CDH22: variants seen among roughly 807,000 people sequenced by gnomAD.
CDH22 encodes cadherin 22, also known as cadherin-22.
In CDH22, 30 loss-of-function variants were observed where a neutral mutation model predicts 58.4. The ratio of observed to expected loss-of-function variants is 0.51; its 90% CI spans 0.38 to 0.70. The LOEUF (loss-of-function observed/expected upper bound fraction) is 0.70, where lower values mean the gene tolerates loss of function less well. CDH22 is among the 30% of genes least tolerant of loss of function. The pLI is 0.00. For missense variants in CDH22, 1,014 were observed against 1,233.9 expected (o/e 0.82, Z 2.67); for synonymous variants, 513 against 558.2 (o/e 0.92, Z 1.14).
chr20:46,200,544 AG>A (rs1004121737), intron 7 of CDH22, among the ~76,000 whole-genome samples: 18 of 151,762 alleles, frequency 1.2e-4, no homozygotes, highest in Non-Finnish European at 1.9e-4. Context: ...GGCCTCCCAA[AG>A]TGTTGAGGTT....
chr20:46,272,841 T>C (rs147712444), intron 1 of CDH22, among the ~76,000 whole-genome samples: 134 of 152,368 alleles, frequency 8.8e-4, no homozygotes, highest in South Asian at 2.5e-3. Flanking sequence ...TTCTGGTGTG[T>C]CTGGTTATCT....
chr20:46,259,890 G>C (rs1221462660), intron 1 of CDH22, among the ~76,000 whole-genome samples: 4 of 152,200 alleles, frequency 2.6e-5, no homozygotes, highest in Non-Finnish European at 5.9e-5. Context: ...AGAAAAAAAA[G>C]AGTTATGGGA....
chr20:46,217,990 G>T (rs927752950), intron 4 of CDH22, among the ~76,000 whole-genome samples: 3 of 151,052 alleles, frequency 2.0e-5, no homozygotes, highest in Non-Finnish European at 2.9e-5. Context: ...GCAGTGGCGC[G>T]ATCTCAGCTC....
At chr20:46,246,260 G>C (rs1190043599) in intron 2 of CDH22, among the ~76,000 whole-genome samples, 2 of 152,208 alleles carry the variant, frequency 1.3e-5, no homozygotes, top group African/African-American at 4.8e-5. Context: ...TGAGGGGTCT[G>C]TTCACGACTG....
intron 3 of CDH22, among the ~76,000 whole-genome samples, chr20:46,239,516 CA>C (rs2145724792): frequency 6.6e-6 from 1 of 152,374 alleles, no homozygotes; most frequent in East Asian, 1.9e-4. Flanking sequence ...ATTATCCCAG[CA>C]AGCTGCCAGA....
chr20:46,234,303 C>T (rs897370280), intron 3 of CDH22, among the ~76,000 whole-genome samples: 7 of 152,314 alleles, frequency 4.6e-5, no homozygotes, highest in Middle Eastern at 3.4e-3. Flanking sequence ...CTATGGATGC[C>T]GAGCCAAGGA....
chr20:46,251,348 G>A lies in CDH22; in HGVS notation c.-54C>T, dbSNP rs1436260728. ...GAGCATGGACGAGAGGCACCAGGGCGCCGCTGCTTGGTCGCACAACGATGC... is the reference window on the plus strand; with the variant it reads ...GAGCATGGACGAGAGGCACCAGGGCACCGCTGCTTGGTCGCACAACGATGC... On this transcript the variant is annotated 5_prime_UTR_variant, in exon 2 of 12. Transcript: ENST00000537909. This position sits in a 1 kb window ranked among gnomAD's most constrained non-coding sequence, Gnocchi z 6.7. The A allele has an allele frequency of 3.7e-5, 52 of 1,403,044 alleles. No homozygotes were observed. Among genetic ancestry groups the A allele is most frequent in the Non-Finnish European group, 4.5e-5 (49 of 1,087,072 alleles). The allele number at this position is 1,403,044 out of a possible 1,614,324, so 86.9% of individuals were successfully genotyped here. A position where few individuals can be genotyped will look rare whatever the true frequency, so the allele number is the denominator to read the frequency against.
intron 7 of CDH22, among the ~76,000 whole-genome samples, chr20:46,206,955 T>C: frequency 6.6e-6 from 1 of 152,156 alleles, no homozygotes. Context: ...ACACATGGCC[T>C]GTGAGGACCC....
chr20:46,279,436 G>A (rs2086537849), intron 1 of CDH22, among the ~76,000 whole-genome samples: 1 of 152,144 alleles, frequency 6.6e-6, no homozygotes. Flanking sequence ...TCATCTGATG[G>A]AACACAGCCA....
chr20:46,217,077 C>A (rs2086091521), intron 4 of CDH22, 84 bp from the exon 5 acceptor site: 1 of 1,340,208 alleles, frequency 7.5e-7, no homozygotes, highest in Non-Finnish European at 1.0e-6. Context: ...GGGATTCAGA[C>A]CCTGTGACTC....
At chr20:46,301,036 G>A (rs921949740) in intron 1 of CDH22, among the ~76,000 whole-genome samples, 6 of 152,058 alleles carry the variant, frequency 3.9e-5, no homozygotes, top group African/African-American at 1.4e-4. Context: ...AAAAAAAGCA[G>A]GTTACGGAGG....
chr20:46,272,047 G>A (rs1387465463), intron 1 of CDH22, among the ~76,000 whole-genome samples: 1 of 152,160 alleles, frequency 6.6e-6, no homozygotes, highest in Non-Finnish European at 1.5e-5. Flanking sequence ...AAGTGTTCCA[G>A]GCCAGAAGGC....
rs765088984 is a variant in CDH22, at chr20:46,174,681, T to A, written c.2312A>T (p.Gln771Leu). ...GTCCGCGCCCTCGAAGGCGTAGGTC[T>A]GGAAGGCGTCGTAGGGCGGCACCGA... ...DLSVPPYDAFQTYAFEGADSP... is the reference protein window; with the variant it reads ...DLSVPPYDAFLTYAFEGADSP... Residue 771 changes from glutamine (Q) to leucine (L), a missense_variant, in exon 12 of 12, where the codon CAG (glutamine) becomes CTG (leucine). Gln to Leu is a moderately radical substitution (Grantham distance 113). Transcript: ENST00000537909. The surrounding 1 kb of genome is among the most constrained non-coding windows in gnomAD (Gnocchi z 4.4). 1 of 1,560,694 alleles carries A rather than the reference T, an allele frequency of 6.4e-7. No individual in the cohort carries two copies. The highest frequency in any genetic ancestry group is 8.6e-7 in the Non-Finnish European group (1 of 1,160,746).
chr20:46,285,068 C>T (rs2086569944), intron 1 of CDH22, among the ~76,000 whole-genome samples: 1 of 152,206 alleles, frequency 6.6e-6, no homozygotes, highest in Non-Finnish European at 1.5e-5. Flanking sequence ...CCCCAGACTT[C>T]TCTTTCGCCC....
chr20:46,193,006 G>C (rs544219904), intron 8 of CDH22, among the ~76,000 whole-genome samples: 1 of 152,228 alleles, frequency 6.6e-6, no homozygotes, highest in Admixed American at 6.5e-5. Context: ...ATGGAGACTG[G>C]AAGCTTTGAC....
chr20:46,212,859 C>T, intron 6 of CDH22, 136 bp downstream of exon 6: 1 of 676,638 alleles, frequency 1.5e-6, no homozygotes. Context: ...CAGTGTTTTT[C>T]CAGGTTGGTC....
chr20:46,210,514 G>T lies in CDH22; in HGVS notation c.1079C>A (p.Ala360Asp), dbSNP rs1477068468. Residue 360 changes from alanine to aspartate, a missense_variant, in exon 7 of 12, where the codon GCC becomes GAC. Transcript: ENST00000537909. The surrounding 1 kb of genome is among the most constrained non-coding windows in gnomAD (Gnocchi z 4.5). ...SQPVHTVILE[A>D]LNKFVDPRFA... ...GCGGGGGTCCACGAACTTGTTGAGG[G>T]CCTCCAGGATCACGGTGTGCACGGG... 1 of 1,436,354 alleles carries T rather than the reference G, an allele frequency of 7.0e-7. No individual in the cohort carries two copies. Among genetic ancestry groups the T allele is most frequent in the Non-Finnish European group, 9.1e-7 (1 of 1,092,898 alleles). 89.0% of individuals were successfully genotyped at this position (1,436,354 alleles called of 1,614,324 possible). A position where few individuals can be genotyped will look rare whatever the true frequency, so the allele number is the denominator to read the frequency against.
intron 9 of CDH22, 50 bp from the exon 10 acceptor site, chr20:46,186,755 C>A (rs758107297): frequency 6.2e-7 from 1 of 1,602,880 alleles, no homozygotes; most frequent in Non-Finnish European, 8.5e-7. Flanking sequence ...TGAGACCACT[C>A]TGGGTCGAGG....
chr20:46,191,461 G>A (rs537412524), intron 8 of CDH22, among the ~76,000 whole-genome samples: 50 of 152,298 alleles, frequency 3.3e-4, no homozygotes, highest in African/African-American at 8.7e-4. Context: ...AAGAGGAGAC[G>A]GGGCCTGGCC....
Sources: gnomAD v4.1 joint callset for allele counts (sites outside exome capture counted in the v4.1 genomes callset) on GRCh38, gnomAD v4.1.1 for gene constraint, Gnocchi (gnomAD v3.1) non-coding constraint, MANE v1.5 for transcripts, NCBI Gene and HGNC (gene_info 2026-07-23, HGNC 2026-07-21) for gene names.